PSD2: variants seen among roughly 807,000 people sequenced by gnomAD.
The protein encoded by PSD2 is pleckstrin and Sec7 domain containing 2.
Under a neutral mutation model 69.8 loss-of-function variants are expected in PSD2, and 38 were observed. That is an observed-to-expected ratio of 0.54 (90% CI 0.42 to 0.71). PSD2 has a LOEUF of 0.71. Among genes scored for constraint, PSD2 ranks in the 30% least tolerant of loss-of-function variants. The pLI, the probability that PSD2 is intolerant of heterozygous loss-of-function variation, is 0.00. For missense variants in PSD2, 943 were observed against 1,014.5 expected, an observed-to-expected ratio of 0.93 and a Z score of 0.96; for synonymous variants, 412 against 423.0, an observed-to-expected ratio of 0.97 and a Z score of 0.32.
the PSD2 span, among the ~76,000 whole-genome samples, chr5:139,767,894 G>A: frequency 6.6e-6 from 1 of 152,246 alleles, no homozygotes; most frequent in Non-Finnish European, 1.5e-5. Flanking sequence ...CACAGGCAGA[G>A]TGACAAAGCC....
upstream of PSD2, among the ~76,000 whole-genome samples, chr5:139,794,339 A>G (rs1050649460): frequency 6.6e-6 from 1 of 152,188 alleles, no homozygotes; most frequent in Non-Finnish European, 1.5e-5. Context: ...CACTTGGTAG[A>G]TGCTTGGTTG....
At chr5:139,759,646 C>T in the PSD2 span, among the ~76,000 whole-genome samples, 6 of 152,326 alleles carry the variant, frequency 3.9e-5, no homozygotes, top group East Asian at 1.9e-4. Flanking sequence ...TGGCGGGCGC[C>T]GCGCCACGCC....
the PSD2 span, among the ~76,000 whole-genome samples, chr5:139,766,988 T>C: frequency 2.7e-5 from 4 of 146,768 alleles, no homozygotes; most frequent in African/African-American, 1.0e-4. Flanking sequence ...TTTCTTTCTT[T>C]CTTTCTTTCC....
intron 7 of PSD2, among the ~76,000 whole-genome samples, chr5:139,823,719 C>T (rs1049159205): frequency 1.3e-5 from 2 of 152,170 alleles, no homozygotes; most frequent in African/African-American, 2.4e-5. Flanking sequence ...CACCAAGGGG[C>T]AGGGTCTGGC....
the PSD2 span, among the ~76,000 whole-genome samples, chr5:139,780,491 T>C: frequency 6.6e-6 from 1 of 152,220 alleles, no homozygotes; most frequent in African/African-American, 2.4e-5. Context: ...TTGCCCAGGC[T>C]GGAGTGCAGT....
At chr5:139,822,045 AC>A in intron 6 of PSD2, 40 bp downstream of exon 6, 1 of 1,338,142 alleles carries the variant, frequency 7.5e-7, no homozygotes, top group Non-Finnish European at 1.1e-6. Flanking sequence ...CTCCCCACCC[AC>A]TCAGCCAGGC....
At chr5:139,767,859 C>T in the PSD2 span, among the ~76,000 whole-genome samples, 5 of 152,258 alleles carry the variant, frequency 3.3e-5, no homozygotes, top group Non-Finnish European at 7.3e-5. Context: ...GGCTCTTGCT[C>T]AGAGGCTCTC....
intron 7 of PSD2, among the ~76,000 whole-genome samples, chr5:139,832,839 T>G (rs1308196686): frequency 2.0e-5 from 3 of 152,316 alleles, no homozygotes; most frequent in Admixed American, 6.5e-5. Context: ...GAAGTATGAA[T>G]ATTAGGTGTT....
At chr5:139,825,278 A>G (rs540016696) in intron 7 of PSD2, among the ~76,000 whole-genome samples, 1 of 152,338 alleles carries the variant, frequency 6.6e-6, no homozygotes, top group African/African-American at 2.4e-5. Flanking sequence ...GGAAAGATCT[A>G]GGACCACGCA....
At chr5:139,782,490 G>GTTT in the PSD2 span, among the ~76,000 whole-genome samples, 7 of 117,068 alleles carry the variant, frequency 6.0e-5, no homozygotes, top group African/African-American at 9.7e-5. Context: ...GGCCTGACTA[G>GTTT]TTTTTTTTTT....
chr5:139,811,127 T>G (rs750988914), intron 2 of PSD2, among the ~76,000 whole-genome samples: 1 of 152,182 alleles, frequency 6.6e-6, no homozygotes, highest in African/African-American at 2.4e-5. Context: ...CGAACCTTCT[T>G]TCCTCTCCTT....
intron 4 of PSD2, 21 bp from the exon 5 acceptor site, chr5:139,817,460 C>T: frequency 6.2e-7 from 1 of 1,607,200 alleles, no homozygotes; most frequent in Non-Finnish European, 8.5e-7. Context: ...TTCTAACAGA[C>T]ATCCCATACT....
intron 4 of PSD2, among the ~76,000 whole-genome samples, chr5:139,815,701 T>C (rs906087141): frequency 1.3e-5 from 2 of 152,166 alleles, no homozygotes; most frequent in African/African-American, 4.8e-5. Flanking sequence ...CTTTTTATTA[T>C]GAAAATTTCA....
intron 1 of PSD2, among the ~76,000 whole-genome samples, chr5:139,800,192 C>T (rs1445386409): frequency 6.6e-6 from 1 of 152,236 alleles, no homozygotes; most frequent in Non-Finnish European, 1.5e-5. Context: ...CATTTTGCTT[C>T]TTCACACTTT....
At chr5:139,746,486 G>T in the PSD2 span, among the ~76,000 whole-genome samples, 1 of 152,220 alleles carries the variant, frequency 6.6e-6, no homozygotes, top group Non-Finnish European at 1.5e-5. This position sits in a 1 kb window ranked among gnomAD's most constrained non-coding sequence, Gnocchi z 4.5. Flanking sequence ...ATGGGATCGC[G>T]CTGGGACAGG....
the PSD2 span, among the ~76,000 whole-genome samples, chr5:139,763,861 C>A: frequency 6.6e-6 from 1 of 152,212 alleles, no homozygotes; most frequent in African/African-American, 2.4e-5. Context: ...AAGACCCGAG[C>A]TTGAGTCTGA....
the PSD2 span, among the ~76,000 whole-genome samples, chr5:139,754,678 T>C: frequency 6.6e-6 from 1 of 151,318 alleles, no homozygotes; most frequent in South Asian, 2.1e-4. Context: ...GCATGGGTGA[T>C]AGAGTGACAC....
At chr5:139,790,277 G>A in the PSD2 span, among the ~76,000 whole-genome samples, 1 of 152,132 alleles carries the variant, frequency 6.6e-6, no homozygotes, top group Non-Finnish European at 1.5e-5. Context: ...AGGTCAGTGT[G>A]GGTTGGGTTA....
the PSD2 span, among the ~76,000 whole-genome samples, chr5:139,763,936 A>T: frequency 1.3e-5 from 2 of 152,110 alleles, no homozygotes; most frequent in East Asian, 3.9e-4. Flanking sequence ...GAAATTCTCC[A>T]GCAAAGGTAG....
Sources: gnomAD v4.1 joint callset for allele counts (sites outside exome capture counted in the v4.1 genomes callset) on GRCh38, gnomAD v4.1.1 for gene constraint, Gnocchi (gnomAD v3.1) non-coding constraint, MANE v1.5 for transcripts, NCBI Gene and HGNC (gene_info 2026-07-23, HGNC 2026-07-21) for gene names.